FOXN3: variants seen among roughly 807,000 people sequenced by gnomAD.
The protein encoded by FOXN3 is forkhead box protein N3.
Under a neutral mutation model 38.4 loss-of-function variants are expected in FOXN3, and 7 were observed. The ratio of observed to expected loss-of-function variants is 0.18; its 90% CI spans 0.10 to 0.34. The LOEUF is 0.34. Among genes scored for constraint, FOXN3 ranks in the 10% least tolerant of loss-of-function variants. The pLI is 1.00. For synonymous variants in FOXN3, 230 were observed against 242.2 expected (o/e 0.95, Z 0.47); for missense variants, 456 against 613.4 (o/e 0.74, Z 2.71).
At chr14:89,292,201 C>T (rs532490490) in intron 3 of FOXN3, among the ~76,000 whole-genome samples, 24 of 152,276 alleles carry the variant, frequency 1.6e-4, no homozygotes, top group Non-Finnish European at 5.9e-5. Flanking sequence ...TGGAATCTTT[C>T]CTCCCTCCAC....
chr14:89,282,465 T>C (rs12436375), intron 3 of FOXN3, among the ~76,000 whole-genome samples: 58,996 of 151,956 alleles, frequency 0.39, 11,665 homozygotes, highest in African/African-American at 0.48. Context: ...TGCTCTTCGA[T>C]TGGATTCTGA....
At chr14:89,242,650 A>T (rs936742839) in intron 4 of FOXN3, among the ~76,000 whole-genome samples, 1 of 152,198 alleles carries the variant, frequency 6.6e-6, no homozygotes, top group Non-Finnish European at 1.5e-5. Flanking sequence ...GCAGCACTTA[A>T]TCAACAATTA....
chr14:89,384,680 C>A (rs969353721), intron 2 of FOXN3, among the ~76,000 whole-genome samples: 2 of 152,008 alleles, frequency 1.3e-5, no homozygotes, highest in African/African-American at 4.8e-5. Flanking sequence ...TACAGAGATG[C>A]AGAGATAAAA....
At chr14:89,233,303 G>A (rs1161043233) in intron 4 of FOXN3, among the ~76,000 whole-genome samples, 1 of 152,172 alleles carries the variant, frequency 6.6e-6, no homozygotes, top group African/African-American at 2.4e-5. Flanking sequence ...TGCAGGAGGA[G>A]GACAGGAAAG....
chr14:89,222,761 A>T (rs1457201456), intron 4 of FOXN3, among the ~76,000 whole-genome samples: 2 of 152,188 alleles, frequency 1.3e-5, no homozygotes, highest in African/African-American at 4.8e-5. Context: ...TGAAATAAAC[A>T]TCATTTTCTT....
rs532599001 is a variant in FOXN3, at chr14:89,251,944, A to G, written c.745+29006T>C. Reference sequence around the variant, plus strand: ...TCCAAGGTTTAAAGCATTCAAAGACATTTGCTTTGCGATAAACTAGCTACA... The same window carrying G: ...TCCAAGGTTTAAAGCATTCAAAGACGTTTGCTTTGCGATAAACTAGCTACA... On this transcript the variant is annotated intron_variant, in intron 4 of 5. Coordinates refer to ENST00000557258, the MANE Select transcript of FOXN3 (RefSeq NM_005197.4). 5.3e-5 allele frequency among the ~76,000 whole-genome samples: 8 copies of G among 152,356 alleles called. No homozygotes were observed. The South Asian group carries it at 1.7e-3, about 32-fold the overall frequency.
chr14:89,603,418 T>G (rs11159913), intron 1 of FOXN3, among the ~76,000 whole-genome samples: 2,740 of 152,158 alleles, frequency 0.018, 66 homozygotes, highest in African/African-American at 0.062. Flanking sequence ...TCAACTAATA[T>G]GTTGGAACTT....
intron 4 of FOXN3, among the ~76,000 whole-genome samples, chr14:89,246,950 C>T (rs2139873484): frequency 6.6e-6 from 1 of 152,278 alleles, no homozygotes; most frequent in East Asian, 1.9e-4. Flanking sequence ...TCCCTCAATT[C>T]ATCCCTCCAA....
At chr14:89,314,603 C>G (rs558789646) in intron 3 of FOXN3, among the ~76,000 whole-genome samples, 17 of 152,336 alleles carry the variant, frequency 1.1e-4, no homozygotes, top group African/African-American at 4.1e-4. Flanking sequence ...TCAACAAAGA[C>G]TTCTTAAGTG....
chr14:89,393,565 A>G (rs1891017421), intron 2 of FOXN3, among the ~76,000 whole-genome samples: 1 of 152,224 alleles, frequency 6.6e-6, no homozygotes, highest in African/African-American at 2.4e-5. Context: ...CCATGGCCAC[A>G]TGGCGGCCAG....
At chr14:89,205,795 A>T (rs191419575) in intron 4 of FOXN3, among the ~76,000 whole-genome samples, 243 of 152,324 alleles carry the variant, frequency 1.6e-3, no homozygotes, top group African/African-American at 5.7e-3. Flanking sequence ...ACTCAACCCT[A>T]GATGCTGCTG....
At chr14:89,177,437 G>A (rs76565970) in intron 5 of FOXN3, among the ~76,000 whole-genome samples, 68 of 152,210 alleles carry the variant, frequency 4.5e-4, no homozygotes, top group African/African-American at 1.6e-3. Flanking sequence ...TCCTTAATTA[G>A]ACTATACATC....
At chr14:89,590,736 C>T (rs1414342026) in intron 1 of FOXN3, among the ~76,000 whole-genome samples, 2 of 152,210 alleles carry the variant, frequency 1.3e-5, no homozygotes, top group Non-Finnish European at 2.9e-5. Flanking sequence ...CAGAACCCCT[C>T]TCCCCGAGAG....
intron 2 of FOXN3, among the ~76,000 whole-genome samples, chr14:89,379,915 C>A (rs1890590164): frequency 6.6e-6 from 1 of 152,224 alleles, no homozygotes; most frequent in Non-Finnish European, 1.5e-5. Flanking sequence ...CCTGCCTCAG[C>A]CTCCCAAAGT....
At chr14:89,384,338 G>A (rs573598878) in intron 2 of FOXN3, among the ~76,000 whole-genome samples, 2 of 150,992 alleles carry the variant, frequency 1.3e-5, no homozygotes, top group Non-Finnish European at 3.0e-5. Flanking sequence ...CTAAGCCTGT[G>A]AAATGCTGAA....
At chr14:89,360,765 A>ACCACCACCACCACCACCAC (rs1566966433) in intron 2 of FOXN3, among the ~76,000 whole-genome samples, 1 of 65,870 alleles carries the variant, frequency 1.5e-5, no homozygotes, top group Non-Finnish European at 2.9e-5. Flanking sequence ...CACCTCCACC[A>ACCACCACCACCACCACCAC]CTACCACCTC....
At chr14:89,359,735 G>T (rs1352173108) in intron 2 of FOXN3, among the ~76,000 whole-genome samples, 1 of 152,188 alleles carries the variant, frequency 6.6e-6, no homozygotes, top group East Asian at 1.9e-4. Flanking sequence ...CTTACCACCT[G>T]CCACCTCCTT....
chr14:89,286,763 G>A (rs1203184575), intron 3 of FOXN3, among the ~76,000 whole-genome samples: 1 of 152,158 alleles, frequency 6.6e-6, no homozygotes, highest in Non-Finnish European at 1.5e-5. Flanking sequence ...CTGGCATTTG[G>A]AACACGGCAA....
chr14:89,547,179 G>A (rs1395849856), intron 1 of FOXN3, among the ~76,000 whole-genome samples: 1 of 152,160 alleles, frequency 6.6e-6, no homozygotes, highest in Non-Finnish European at 1.5e-5. Context: ...GATAACCACA[G>A]TCACTGTATG....
Sources: allele counts gnomAD v4.1 joint callset (sites outside exome capture counted in the v4.1 genomes callset), GRCh38; gene constraint gnomAD v4.1.1; transcripts MANE v1.5; gene names NCBI Gene and HGNC (gene_info 2026-07-23, HGNC 2026-07-21).